SEL1L3: variants seen among roughly 807,000 people sequenced by gnomAD.
SEL1L3 encodes SEL1L family member 3, also known as protein sel-1 homolog 3.
In SEL1L3, 76 loss-of-function variants were observed where a neutral mutation model predicts 142.8. The ratio of observed to expected loss-of-function variants is 0.53; its 90% CI spans 0.44 to 0.64. The LOEUF is 0.64. Ranked by LOEUF, SEL1L3 falls within the 30% of genes least tolerant of loss-of-function variation. The probability of loss-of-function intolerance (pLI) is 0.00; values close to 1 mark genes in which losing one functional copy is unlikely to be tolerated. For missense variants in SEL1L3, 1,262 were observed against 1,381.7 expected (o/e 0.91, Z 1.37); for synonymous variants, 504 against 519.6 (o/e 0.97, Z 0.41).
At chr4:25,856,946 G>A (rs1000711633) in intron 1 of SEL1L3, among the ~76,000 whole-genome samples, 2 of 152,156 alleles carry the variant, frequency 1.3e-5, no homozygotes, top group Non-Finnish European at 2.9e-5. Flanking sequence ...CTTGCTACGG[G>A]AAGTTCATTG....
intron 14 of SEL1L3, among the ~76,000 whole-genome samples, chr4:25,783,539 C>A (rs10020147): frequency 0.21 from 31,881 of 151,584 alleles, 3,505 homozygotes; most frequent in Middle Eastern, 0.28. Context: ...GTAGTTTCTG[C>A]AAATCTATTT....
At chr4:25,756,576 A>C (rs1371249999) in intron 23 of SEL1L3, 1 of 940,154 alleles carries the variant, frequency 1.1e-6, no homozygotes, top group Admixed American at 6.1e-5. Context: ...GGGATCAGGA[A>C]GGTTAAATAA....
chr4:25,765,978 T>C (rs922993234), intron 19 of SEL1L3, among the ~76,000 whole-genome samples: 1 of 152,152 alleles, frequency 6.6e-6, no homozygotes, highest in African/African-American at 2.4e-5. Context: ...CTCTCCTGAA[T>C]AGCTAAATCT....
At chr4:25,839,114 G>A (rs1474115846) in intron 2 of SEL1L3, among the ~76,000 whole-genome samples, 1 of 152,190 alleles carries the variant, frequency 6.6e-6, no homozygotes, top group Non-Finnish European at 1.5e-5. Context: ...CAGAGCACAG[G>A]CAGCTCAATA....
rs1037565757 is a variant in SEL1L3, at chr4:25,748,189, C to T, written c.*236G>A. On this transcript the variant is annotated 3_prime_UTR_variant, in exon 24 of 24. Transcript: ENST00000399878. The stretch of plus-strand genomic sequence containing the variant: ...TGTGATGGCCCAGTAAACTTCCCCA[C>T]ATGCCCTATGATCAAGATGTTCCTT... 2 of 506,052 alleles carry T rather than the reference C, an allele frequency of 4.0e-6. No homozygotes were observed. Among genetic ancestry groups the T allele is most frequent in the Admixed American group, 6.8e-5 (2 of 29,456 alleles). The allele number at this position is 506,052 out of a possible 1,614,324, so 31.3% of individuals were successfully genotyped here.
chr4:25,755,875 G>T, intron 23 of SEL1L3: 1 of 984,704 alleles, frequency 1.0e-6, no homozygotes, highest in Non-Finnish European at 1.2e-6. Context: ...ATTTGAAATG[G>T]AAAACACTGA....
At chr4:25,731,107 T>G in the SEL1L3 span, among the ~76,000 whole-genome samples, 1 of 152,210 alleles carries the variant, frequency 6.6e-6, no homozygotes, top group Non-Finnish European at 1.5e-5. Flanking sequence ...CCAAGAAAGC[T>G]GCAAAGGAAC....
chr4:25,725,867 A>G, the SEL1L3 span, among the ~76,000 whole-genome samples: 1 of 152,172 alleles, frequency 6.6e-6, no homozygotes, highest in Non-Finnish European at 1.5e-5. Flanking sequence ...TGCATAATGC[A>G]CAGTGAGGAC....
rs115275489 is a variant in SEL1L3 at position 25,756,654 on chromosome 4, G to A, written c.3259+880C>T. 2.2e-4 allele frequency: 221 copies of A among 1,016,220 alleles called. 1 individual carries two copies. The African/African-American group carries it at 3.5e-3, about 16-fold the overall frequency. 63.0% of individuals were successfully genotyped at this position (1,016,220 alleles called of 1,614,324 possible). ...TCTAAGCCCAAACAGAAGCAAGCAGGGCTCCCTTGTCCTTAACTATTCTAT... is the reference window on the plus strand; with the variant it reads ...TCTAAGCCCAAACAGAAGCAAGCAGAGCTCCCTTGTCCTTAACTATTCTAT... On this transcript the variant is annotated intron_variant, in intron 23 of 23. Coordinates refer to ENST00000399878, the MANE Select transcript of SEL1L3 (RefSeq NM_015187.5).
chr4:25,802,223 A>T lies in SEL1L3; in HGVS notation c.1956+60T>A, dbSNP rs1713229327. 7 of 1,480,632 alleles carry T rather than the reference A, an allele frequency of 4.7e-6. No individual in the cohort carries two copies. The Admixed American group carries it at 1.0e-4, about 21-fold the overall frequency. 91.7% of individuals were successfully genotyped at this position (1,480,632 alleles called of 1,614,324 possible). A position where few individuals can be genotyped will look rare whatever the true frequency, so the allele number is the denominator to read the frequency against. ...TACAAAAGCAACCACAGGGGCAGACACTTCATGAAAGCAGGTAAACAGGGC... is the reference window on the plus strand; with the variant it reads ...TACAAAAGCAACCACAGGGGCAGACTCTTCATGAAAGCAGGTAAACAGGGC... On this transcript the variant is annotated intron_variant, in intron 11 of 23. Coordinates refer to ENST00000399878, the MANE Select transcript of SEL1L3 (RefSeq NM_015187.5).
At chr4:25,845,832 C>A (rs1716468712) in intron 2 of SEL1L3, among the ~76,000 whole-genome samples, 1 of 152,174 alleles carries the variant, frequency 6.6e-6, no homozygotes, top group Non-Finnish European at 1.5e-5. Context: ...CCTCTGCCTG[C>A]CAAGCCTGGC....
intron 2 of SEL1L3, among the ~76,000 whole-genome samples, chr4:25,846,153 G>C (rs1034210991): frequency 6.6e-6 from 1 of 152,200 alleles, no homozygotes; most frequent in Admixed American, 6.5e-5. Flanking sequence ...CAGGCACTCG[G>C]CATCCACAGA....
At chr4:25,862,602 TC>T in intron 1 of SEL1L3, 72 bp downstream of exon 1, 2 of 796,518 alleles carry the variant, frequency 2.5e-6, no homozygotes, top group Non-Finnish European at 1.7e-6. Context: ...GTGGCGGGTG[TC>T]CCCGGCCGCC....
chr4:25,854,353 C>T (rs1295947301), intron 1 of SEL1L3, among the ~76,000 whole-genome samples: 1 of 152,208 alleles, frequency 6.6e-6, no homozygotes, highest in Non-Finnish European at 1.5e-5. Context: ...TCTCAGCTCA[C>T]TGCAACCTCT....
At chr4:25,728,456 G>C in the SEL1L3 span, among the ~76,000 whole-genome samples, 2 of 151,982 alleles carry the variant, frequency 1.3e-5, no homozygotes, top group Non-Finnish European at 2.9e-5. Context: ...GTCTCCCACT[G>C]TTCCCTGAAA....
intron 1 of SEL1L3, among the ~76,000 whole-genome samples, chr4:25,851,410 A>G (rs1410945227): frequency 6.6e-6 from 1 of 152,126 alleles, no homozygotes; most frequent in African/African-American, 2.4e-5. Flanking sequence ...CACCACACAC[A>G]CACATATATA....
At chr4:25,792,011 A>C (rs1417068954) in intron 11 of SEL1L3, among the ~76,000 whole-genome samples, 2 of 151,672 alleles carry the variant, frequency 1.3e-5, no homozygotes, top group Non-Finnish European at 2.9e-5. Flanking sequence ...TCGTGAAGCC[A>C]GGGGTCCTTT....
intron 2 of SEL1L3, among the ~76,000 whole-genome samples, chr4:25,845,807 C>G (rs1192995635): frequency 6.6e-6 from 1 of 152,180 alleles, no homozygotes; most frequent in Non-Finnish European, 1.5e-5. Flanking sequence ...TCTGTTGCCA[C>G]AAATCCATGG....
chr4:25,728,433 T>C, the SEL1L3 span, among the ~76,000 whole-genome samples: 1 of 152,094 alleles, frequency 6.6e-6, no homozygotes, highest in Admixed American at 6.5e-5. Flanking sequence ...ACAGCAGCCC[T>C]CTGCTCCTTT....
Sources: allele counts gnomAD v4.1 joint callset (sites outside exome capture counted in the v4.1 genomes callset), GRCh38; gene constraint gnomAD v4.1.1; transcripts MANE v1.5; gene names NCBI Gene and HGNC (gene_info 2026-07-23, HGNC 2026-07-21).